KIR2DL1: variants seen among roughly 807,000 people sequenced by gnomAD.
KIR2DL1 encodes the protein killer cell immunoglobulin like receptor, two Ig domains and long cytoplasmic tail 1, also known as killer cell immunoglobulin-like receptor 2DL1.
In KIR2DL1, 38 loss-of-function variants were observed where a neutral mutation model predicts 33.9. That is an observed-to-expected ratio of 1.12 (90% CI 0.86 to 1.47). The LOEUF is 1.47. Ranked by LOEUF, KIR2DL1 falls within the 40% of genes most tolerant of loss-of-function variation. The probability of loss-of-function intolerance (pLI) is 0.00; values close to 1 mark genes in which losing one functional copy is unlikely to be tolerated. For missense variants in KIR2DL1, 531 were observed against 433.9 expected (o/e 1.22, Z -1.99); for synonymous variants, 179 against 165.9 (o/e 1.08, Z -0.61).
Position 54,783,481 on chromosome 19 carries a change from T to C in KIR2DL1, c.818-5T>C. On this transcript the variant is annotated splice_polypyrimidine_tract_variant and splice_region_variant and intron_variant, in intron 6 of 7. Coordinates refer to ENST00000336077, the MANE Select transcript of KIR2DL1 (RefSeq NM_014218.3). ...AGCTGTTTTGTTGACTTCCATCTTC[T>C]ACAGATGCTGCGGTAATGGACCAAG... 1 of 1,613,276 alleles carries C rather than the reference T, an allele frequency of 6.2e-7. No individual in the cohort carries two copies. The highest frequency in any genetic ancestry group is 8.5e-7 in the Non-Finnish European group (1 of 1,179,486).
intron 5 of KIR2DL1, 109 bp from the exon 6 acceptor site, chr19:54,782,813 G>A: frequency 3.3e-6 from 4 of 1,208,562 alleles, no homozygotes; most frequent in Non-Finnish European, 3.7e-6. Flanking sequence ...CTGGGTGCTT[G>A]TCCTAAAGAG....
At chr19:54,776,707 C>G (rs145355848) in intron 4 of KIR2DL1, among the ~76,000 whole-genome samples, 4,489 of 144,242 alleles carry the variant, frequency 0.031, 447 homozygotes, top group Middle Eastern at 0.082. Context: ...GTGGTGCAAC[C>G]TTGGCTCATT....
rs200260088 is a variant in KIR2DL1 at position 54,783,598 on chromosome 19, G to A, written c.871-39G>A. 1.4e-3 allele frequency: 2,270 copies of A among 1,613,940 alleles called. 17 individuals carry two copies. Among genetic ancestry groups the A allele is most frequent in the Admixed American group, 2.0e-3 (122 of 60,016 alleles). ...TTATTCCCAAAGAGTCCTGGAAAAT[G>A]TGAGCACCCTCCCTCACTCAGCATT... On this transcript the variant is annotated intron_variant, in intron 7 of 7. Transcript: ENST00000336077.
At position 54,784,224 on chromosome 19, in the gene KIR2DL1, A is replaced by G. The variant is rs1450113148; in HGVS notation, c.*411A>G. On this transcript the variant is annotated 3_prime_UTR_variant, in exon 8 of 8. Coordinates refer to ENST00000336077, the MANE Select transcript of KIR2DL1 (RefSeq NM_014218.3). ...CCCTCATGCTGTTCCACCTCCCCTCAGACTAGCTTTCAGTCTTCTGTCAGC... is the reference window on the plus strand; with the variant it reads ...CCCTCATGCTGTTCCACCTCCCCTCGGACTAGCTTTCAGTCTTCTGTCAGC... 7 of 318,808 alleles carry G rather than the reference A, an allele frequency of 2.2e-5. No homozygotes were observed. The East Asian group carries it at 3.1e-4, about 14-fold the overall frequency. The allele number at this position is 318,808 out of a possible 1,614,324, so 19.7% of individuals were successfully genotyped here. A position where few individuals can be genotyped will look rare whatever the true frequency, so the allele number is the denominator to read the frequency against.
chr19:54,783,435 A>C (rs2077273672), intron 6 of KIR2DL1, 51 bp from the exon 7 acceptor site: 1 of 1,595,376 alleles, frequency 6.3e-7, no homozygotes, highest in South Asian at 1.1e-5. Context: ...TTATGAAATG[A>C]GGACCCAGAA....
intron 6 of KIR2DL1, 117 bp from the exon 7 acceptor site, chr19:54,783,369 T>G: frequency 8.9e-7 from 1 of 1,119,766 alleles, no homozygotes; most frequent in South Asian, 1.3e-5. Context: ...GAGTCTGCTG[T>G]TGGCAACTGA....
chr19:54,776,182 G>A (rs149261532), intron 4 of KIR2DL1, among the ~76,000 whole-genome samples: 5 of 142,076 alleles, frequency 3.5e-5, no homozygotes, highest in African/African-American at 1.3e-4. Context: ...GGGCCACCAG[G>A]CCCAGCCACA....
chr19:54,773,690 G>T (rs2076027653), intron 3 of KIR2DL1, 58 bp downstream of exon 3: 1 of 1,493,034 alleles, frequency 6.7e-7, no homozygotes, highest in African/African-American at 1.4e-5. Context: ...AATGATCCAG[G>T]AATTGGAGAC....
At chr19:54,771,700 G>A (rs1291377262) in intron 2 of KIR2DL1, among the ~76,000 whole-genome samples, 1 of 148,184 alleles carries the variant, frequency 6.7e-6, no homozygotes, top group Non-Finnish European at 1.5e-5. Context: ...CTTATCTTGG[G>A]TTTAACAACT....
At chr19:54,776,137 G>C (rs1230781383) in intron 4 of KIR2DL1, among the ~76,000 whole-genome samples, 1 of 144,266 alleles carries the variant, frequency 6.9e-6, no homozygotes, top group Non-Finnish European at 1.5e-5. Flanking sequence ...TGATCCACCC[G>C]CATCAGCCTC....
chr19:54,780,094 A>T (rs1569224095), intron 5 of KIR2DL1: 2 of 518,688 alleles, frequency 3.9e-6, no homozygotes, highest in Admixed American at 3.5e-5. Context: ...TGTAGAGAGG[A>T]TGTTTCACCA....
At chr19:54,771,004 TG>T in intron 2 of KIR2DL1, 120 bp downstream of exon 2, 1 of 1,406,376 alleles carries the variant, frequency 7.1e-7, no homozygotes, top group Non-Finnish European at 9.9e-7. Context: ...CCTGGGGTGC[TG>T]GGCCCACATT....
At chr19:54,781,900 TC>T (rs1321415279) in intron 5 of KIR2DL1, among the ~76,000 whole-genome samples, 1 of 151,912 alleles carries the variant, frequency 6.6e-6, no homozygotes, top group Non-Finnish European at 1.5e-5. Flanking sequence ...AGTCCAGTCT[TC>T]CCAGAGAAGA....
At chr19:54,771,002 G>T in intron 2 of KIR2DL1, 118 bp downstream of exon 2, 2 of 1,416,192 alleles carry the variant, frequency 1.4e-6, no homozygotes, top group Non-Finnish European at 9.8e-7. Context: ...ACCCTGGGGT[G>T]CTGGGCCCAC....
At chr19:54,774,455 A>AG (rs2076098688) in intron 3 of KIR2DL1, among the ~76,000 whole-genome samples, 1 of 148,452 alleles carries the variant, frequency 6.7e-6, no homozygotes. Context: ...GATGAATTGC[A>AG]GAGATTCCAA....
At chr19:54,773,905 G>A (rs1265838974) in intron 3 of KIR2DL1, among the ~76,000 whole-genome samples, 3 of 148,488 alleles carry the variant, frequency 2.0e-5, no homozygotes, top group Non-Finnish European at 4.5e-5. Context: ...CCCAGAGAGA[G>A]GTGTCCCTCC....
intron 5 of KIR2DL1, 99 bp from the exon 6 acceptor site, chr19:54,782,823 G>A (rs1389955595): frequency 7.6e-7 from 1 of 1,308,760 alleles, no homozygotes; most frequent in Non-Finnish European, 1.1e-6. Context: ...GTCCTAAAGA[G>A]GTGTTTTATG....
At chr19:54,774,444 G>C (rs1253916087) in intron 3 of KIR2DL1, among the ~76,000 whole-genome samples, 2 of 148,220 alleles carry the variant, frequency 1.3e-5, no homozygotes, top group Non-Finnish European at 3.0e-5. Context: ...GGAGATGTGG[G>C]GATGAATTGC....
rs575362183 is a variant in KIR2DL1 at position 54,774,919 on chromosome 19, G to C, written c.371-246G>C. 2.3e-3 allele frequency among the ~76,000 whole-genome samples: 339 copies of C among 148,486 alleles called. 2 individuals are homozygous for C. The highest frequency in any genetic ancestry group is 7.9e-3 in the African/African-American group (323 of 40,700). On this transcript the variant is annotated intron_variant, in intron 3 of 7. Coordinates refer to ENST00000336077, the MANE Select transcript of KIR2DL1 (RefSeq NM_014218.3). ...AACATCAAGTCAACCAATCCAAGGA[G>C]AGTCAGAGAGAATAAAACAATCCAA...
Sources: gnomAD v4.1 joint callset for allele counts (sites outside exome capture counted in the v4.1 genomes callset) on GRCh38, gnomAD v4.1.1 for gene constraint, MANE v1.5 for transcripts, NCBI Gene and HGNC (gene_info 2026-07-23, HGNC 2026-07-21) for gene names.